The following IFT80 variants were observed in gnomAD, a reference collection of about 807,000 sequenced individuals.
IFT80 encodes the protein intraflagellar transport 80, also known as intraflagellar transport protein 80 homolog.
IFT80 carries 79 observed loss-of-function variants against 107.9 expected under a neutral mutation model. The observed-to-expected ratio is 0.73, with a 90% confidence interval of 0.61 to 0.88. IFT80 has a LOEUF of 0.88. Among genes scored for constraint, IFT80 ranks in the 40% least tolerant of loss-of-function variants. The probability of loss-of-function intolerance (pLI) is 0.00; values close to 1 mark genes in which losing one functional copy is unlikely to be tolerated. For synonymous variants in IFT80, 299 were observed against 300.9 expected, an observed-to-expected ratio of 0.99 and a Z score of 0.07; for missense variants, 797 against 914.2, an observed-to-expected ratio of 0.87 and a Z score of 1.65.
chr3:160,378,227 T>G (rs1462197994), intron 3 of IFT80, among the ~76,000 whole-genome samples: 1 of 151,582 alleles, frequency 6.6e-6, no homozygotes, highest in Admixed American at 6.6e-5. Context: ...TTTTCCAGCT[T>G]TTTTATAGCC....
At chr3:160,390,377 A>G (rs1168078144) in intron 1 of IFT80, among the ~76,000 whole-genome samples, 1 of 151,438 alleles carries the variant, frequency 6.6e-6, no homozygotes, top group Non-Finnish European at 1.5e-5. Flanking sequence ...AGATCGCACC[A>G]TTGCACTCCA....
chr3:160,312,665 TATA>T lies in IFT80; in HGVS notation c.958-4887_958-4885del, dbSNP rs1229828717. Among the ~76,000 whole-genome samples, 98 of 33,282 alleles carry T rather than the reference TATA, an allele frequency of 2.9e-3. 2 individuals are homozygous for T. The highest frequency in any genetic ancestry group is 3.3e-3 in the South Asian group (5 of 1,534). The allele number at this position is 33,282 out of a possible 152,430, so 21.8% of individuals were successfully genotyped here. A position where few individuals can be genotyped will look rare whatever the true frequency, so the allele number is the denominator to read the frequency against. Reference sequence around the variant, plus strand: ...ATATATTATATATAAATATATAATATATAATATATATAATAAATATATATTATA... The same window carrying T: ...ATATATTATATATAAATATATAATATATATATATAATAAATATATATTATA... On this transcript the variant is annotated intron_variant, in intron 9 of 19. Coordinates refer to ENST00000326448, the MANE Select transcript of IFT80 (RefSeq NM_020800.3).
In IFT80 at chr3:160,309,687, C is replaced by CA. The variant is rs573029055; in HGVS notation, c.958-1907dup. ...GGGCAACAGAGCGAGACTCCCATCT[C>CA]AAAAAAAAAATGCAAGATGCAGAAC... On this transcript the variant is annotated intron_variant, in intron 9 of 19. Coordinates refer to ENST00000326448, the MANE Select transcript of IFT80 (RefSeq NM_020800.3). Among the ~76,000 whole-genome samples, 292 of 142,552 alleles carry CA rather than the reference C, an allele frequency of 2.0e-3. 1 individual carries two copies. The highest frequency in any genetic ancestry group is 2.9e-3 in the Non-Finnish European group (190 of 65,288). The allele number at this position is 142,552 out of a possible 152,430, so 93.5% of individuals were successfully genotyped here. A position where few individuals can be genotyped will look rare whatever the true frequency, so the allele number is the denominator to read the frequency against.
chr3:160,335,482 A>G (rs1014713224), intron 8 of IFT80, among the ~76,000 whole-genome samples: 2 of 152,120 alleles, frequency 1.3e-5, no homozygotes, highest in South Asian at 4.1e-4. Flanking sequence ...TCGGCCTCCC[A>G]AAGTGCTGGG....
intron 1 of IFT80, among the ~76,000 whole-genome samples, chr3:160,389,370 T>G (rs1262998893): frequency 6.6e-6 from 1 of 152,078 alleles, no homozygotes; most frequent in Non-Finnish European, 1.5e-5. Flanking sequence ...AGGGTACATG[T>G]GCACAATGTG....
At chr3:160,348,180 G>T (rs756825474) in intron 8 of IFT80, among the ~76,000 whole-genome samples, 2 of 149,982 alleles carry the variant, frequency 1.3e-5, no homozygotes, top group South Asian at 2.1e-4. Context: ...GTTTTTATTG[G>T]CCATTTACAT....
intron 1 of IFT80, among the ~76,000 whole-genome samples, chr3:160,395,996 A>G (rs1713747227): frequency 6.6e-6 from 1 of 151,894 alleles, no homozygotes; most frequent in South Asian, 2.1e-4. Flanking sequence ...AATCTTAAAA[A>G]CCTAACCTAT....
rs1718100969 is a variant in IFT80 at position 160,320,124 on chromosome 3, CAGT to C, written c.778-188_778-186del. 8.6e-6 allele frequency: 5 copies of C among 580,422 alleles called. No homozygotes were observed. The Admixed American group carries it at 1.5e-4, about 18-fold the overall frequency. 36.0% of individuals were successfully genotyped at this position (580,422 alleles called of 1,614,324 possible). A position where few individuals can be genotyped will look rare whatever the true frequency, so the allele number is the denominator to read the frequency against. ...ATACAGATGTAATTGTTGAAGTCCA[CAGT>C]AGAACATCATGCTAAAACAGTGTAT... On this transcript the variant is annotated intron_variant, in intron 8 of 19. Coordinates refer to ENST00000326448, the MANE Select transcript of IFT80 (RefSeq NM_020800.3).
At chr3:160,282,341 TA>T in intron 14 of IFT80, 136 bp downstream of exon 14, 9 of 649,662 alleles carry the variant, frequency 1.4e-5, no homozygotes, top group South Asian at 4.8e-5. Flanking sequence ...CCTACTTTTT[TA>T]AAAAAAGGGT....
chr3:160,382,371 C>A (rs1712590419), intron 2 of IFT80, among the ~76,000 whole-genome samples: 1 of 151,940 alleles, frequency 6.6e-6, no homozygotes, highest in South Asian at 2.1e-4. Context: ...CCAAACTTTC[C>A]TACATTAAAA....
intron 1 of IFT80, among the ~76,000 whole-genome samples, chr3:160,387,928 A>C (rs907483795): frequency 2.0e-5 from 3 of 152,200 alleles, no homozygotes; most frequent in Admixed American, 6.5e-5. Context: ...AAAGAAGTGG[A>C]GATAGACAAT....
At chr3:160,321,644 A>C (rs958276886) in intron 8 of IFT80, among the ~76,000 whole-genome samples, 2 of 151,898 alleles carry the variant, frequency 1.3e-5, no homozygotes, top group African/African-American at 4.8e-5. Context: ...AACAATGTCT[A>C]ATAATACAAT....
chr3:160,330,898 T>G (rs546666202), intron 8 of IFT80, among the ~76,000 whole-genome samples: 2 of 152,300 alleles, frequency 1.3e-5, no homozygotes, highest in East Asian at 3.9e-4. Context: ...AGTCCCTTCT[T>G]GTCCACAGGG....
In IFT80 at chr3:160,296,611, T is replaced by G. The variant is rs80255312; in HGVS notation, c.1315+4272A>C. On this transcript the variant is annotated intron_variant, in intron 12 of 19. Coordinates refer to ENST00000326448, the MANE Select transcript of IFT80 (RefSeq NM_020800.3). The stretch of plus-strand genomic sequence containing the variant: ...TCACTATTACAATTCTTTGCCTTTT[T>G]TTAACCCTAAACTTTGTGAAACAAC... 7.0e-3 allele frequency among the ~76,000 whole-genome samples: 1,059 copies of G among 152,286 alleles called. 10 individuals are homozygous for G. Among genetic ancestry groups the G allele is most frequent in the African/African-American group, 0.024 (990 of 41,550 alleles).
chr3:160,313,188 T>G lies in IFT80; in HGVS notation c.958-5407A>C, dbSNP rs1254935524. Among the ~76,000 whole-genome samples the G allele has an allele frequency of 3.5e-5, 5 of 141,360 alleles. No individual in the cohort carries two copies. The East Asian group carries it at 8.0e-4, about 23-fold the overall frequency. The allele number at this position is 141,360 out of a possible 152,430, so 92.7% of individuals were successfully genotyped here. A position where few individuals can be genotyped will look rare whatever the true frequency, so the allele number is the denominator to read the frequency against. ...CACCATTTTCACGAGAAGTCTGAGC[T>G]CTCAGAGATTTTTTTTTTTAAAGAT... On this transcript the variant is annotated intron_variant, in intron 9 of 19. Transcript: ENST00000326448.
Position 160,319,908 on chromosome 3 carries a change from C to G in IFT80, c.809G>C (p.Gly270Ala), listed in dbSNP as rs755157228. ...WSYALEKPNT[G>A]SIFNIAWSID... ...AGACCATGCAATATTAAATATGCTG[C>G]CAGTGTTGGGTTTTTCTAATGCATA... Residue 270 changes from glycine to alanine, a missense_variant, in exon 9 of 20, where the codon GGC becomes GCC. Coordinates refer to ENST00000326448, the MANE Select transcript of IFT80 (RefSeq NM_020800.3). 3 of 1,611,566 alleles carry G rather than the reference C, an allele frequency of 1.9e-6. No individual in the cohort carries two copies. The African/African-American group carries it at 4.0e-5, about 22-fold the overall frequency.
chr3:160,309,979 G>A (rs979134388), intron 9 of IFT80, among the ~76,000 whole-genome samples: 11 of 152,106 alleles, frequency 7.2e-5, no homozygotes, highest in Admixed American at 6.5e-4. Context: ...GCATAAACTC[G>A]TGATGTATTT....
At chr3:160,351,358 G>A (rs1224764545) in intron 8 of IFT80, among the ~76,000 whole-genome samples, 1 of 149,302 alleles carries the variant, frequency 6.7e-6, no homozygotes, top group African/African-American at 2.4e-5. Context: ...TACTGTTAGA[G>A]ATTTAGATTG....
chr3:160,352,194 C>T (rs1038261241), intron 8 of IFT80, among the ~76,000 whole-genome samples: 1 of 151,748 alleles, frequency 6.6e-6, no homozygotes, highest in African/African-American at 2.4e-5. Flanking sequence ...CGGGGTTTCA[C>T]CATGTTAGCC....
Sources: allele counts gnomAD v4.1 joint callset (sites outside exome capture counted in the v4.1 genomes callset), GRCh38; gene constraint gnomAD v4.1.1; transcripts MANE v1.5; gene names NCBI Gene and HGNC (gene_info 2026-07-23, HGNC 2026-07-21).